The following AGMO variants were observed in gnomAD, a reference collection of about 807,000 sequenced individuals.
AGMO encodes the protein alkylglycerol monooxygenase, also known as glyceryl-ether monooxygenase.
In AGMO, 75 loss-of-function variants were observed where a neutral mutation model predicts 60.2. The ratio of observed to expected loss-of-function variants is 1.25; its 90% confidence interval spans 1.03 to 1.51. AGMO has a LOEUF of 1.51. Ranked by LOEUF, AGMO falls within the 40% of genes most tolerant of loss-of-function variation. AGMO has a pLI of 0.00. For synonymous variants in AGMO, 261 were observed against 177.1 expected (o/e 1.47, Z -3.76); for missense variants, 763 against 525.5 (o/e 1.45, Z -4.42).
At chr7:15,156,766 T>A in the AGMO span, among the ~76,000 whole-genome samples, 1 of 152,152 alleles carries the variant, frequency 6.6e-6, no homozygotes, top group Non-Finnish European at 1.5e-5. Context: ...GTGCCTTCTT[T>A]CCAAAGATCT....
chr7:15,153,740 C>A, the AGMO span, among the ~76,000 whole-genome samples: 3 of 152,042 alleles, frequency 2.0e-5, no homozygotes, highest in African/African-American at 7.2e-5. Flanking sequence ...GTGACTATGG[C>A]CTTAAAGTAT....
At chr7:15,531,394 T>C (rs865875764) in intron 3 of AGMO, among the ~76,000 whole-genome samples, 2 of 80,208 alleles carry the variant, frequency 2.5e-5, no homozygotes, top group South Asian at 7.7e-4. Flanking sequence ...ATATATATTC[T>C]ATATATATAT....
At chr7:15,276,917 A>G (rs1359267538) in intron 12 of AGMO, among the ~76,000 whole-genome samples, 5 of 140,970 alleles carry the variant, frequency 3.5e-5, no homozygotes, top group Admixed American at 7.0e-5. Context: ...AAGATATCTA[A>G]CTCTTCCTTC....
chr7:15,144,723 T>C, the AGMO span, among the ~76,000 whole-genome samples: 119 of 152,364 alleles, frequency 7.8e-4, no homozygotes, highest in Non-Finnish European at 1.3e-3. Context: ...TACATCACCA[T>C]TTAAATGTTA....
rs143870664 is a variant in AGMO, at chr7:15,465,262, TC to T, written c.410-34155del. ...CCACTCCCTCTCTTCTCAGCACTGC[TC>T]CCCAGAAACACACTTTCCTTGAATT... On this transcript the variant is annotated intron_variant, in intron 3 of 12. Transcript: ENST00000342526. Among the ~76,000 whole-genome samples, 1,304 of 151,774 alleles carry T rather than the reference TC, an allele frequency of 8.6e-3. 18 individuals are homozygous for T. Among genetic ancestry groups the T allele is most frequent in the African/African-American group, 0.03 (1,222 of 41,396 alleles).
Position 15,536,690 on chromosome 7 carries a change from T to C in AGMO, c.409+8082A>G, listed in dbSNP as rs376423770. The stretch of plus-strand genomic sequence containing the variant: ...AATATTTTTTGAAAAAATTAATACA[T>C]AAGTAAATGTATTAATTCATTTACT... On this transcript the variant is annotated intron_variant, in intron 3 of 12. Transcript: ENST00000342526. 2.6e-4 allele frequency among the ~76,000 whole-genome samples: 39 copies of C among 151,988 alleles called. No homozygotes were observed. In the East Asian group the frequency reaches 6.8e-3, roughly 26 times the overall value.
At chr7:15,174,711 G>A in the AGMO span, among the ~76,000 whole-genome samples, 1 of 151,584 alleles carries the variant, frequency 6.6e-6, no homozygotes, top group African/African-American at 2.4e-5. Flanking sequence ...TACAAAGTAA[G>A]CATACATGCC....
intron 5 of AGMO, among the ~76,000 whole-genome samples, chr7:15,416,672 T>C (rs1780782624): frequency 6.6e-6 from 1 of 152,174 alleles, no homozygotes; most frequent in South Asian, 2.1e-4. Flanking sequence ...TCGCATATCA[T>C]TTCTGTCAAT....
the AGMO span, among the ~76,000 whole-genome samples, chr7:15,149,648 C>A: frequency 6.6e-6 from 1 of 152,050 alleles, no homozygotes; most frequent in South Asian, 2.1e-4. Flanking sequence ...TTTCTGGGTT[C>A]TCTAACCTGT....
chr7:15,121,129 A>G, the AGMO span, among the ~76,000 whole-genome samples: 3 of 152,114 alleles, frequency 2.0e-5, no homozygotes, highest in African/African-American at 7.2e-5. Flanking sequence ...AGCTTCATCC[A>G]TGTCCCTGCA....
chr7:15,365,403 A>AAAAAAAAAAAAAAAAT, intron 12 of AGMO, 111 bp downstream of exon 12: 1 of 534,132 alleles, frequency 1.9e-6, no homozygotes, highest in Non-Finnish European at 3.2e-6. Flanking sequence ...AAAGATCAAG[A>AAAAAAAAAAAAAAAAT]TTTCCCACAT....
At chr7:15,362,243 TTAA>T (rs1782796574) in intron 12 of AGMO, among the ~76,000 whole-genome samples, 1 of 152,110 alleles carries the variant, frequency 6.6e-6, no homozygotes, top group African/African-American at 2.4e-5. Context: ...AAATTCATAA[TTAA>T]TAATATAAGA....
chr7:15,125,104 T>C, the AGMO span, among the ~76,000 whole-genome samples: 1 of 152,124 alleles, frequency 6.6e-6, no homozygotes. Context: ...CTGGGAGTAT[T>C]TTTCATCGCA....
At chr7:15,202,851 T>A in intron 12 of AGMO, among the ~76,000 whole-genome samples, 1 of 151,814 alleles carries the variant, frequency 6.6e-6, no homozygotes, top group East Asian at 1.9e-4. Flanking sequence ...CTGGGGGGAG[T>A]ATTTTTGAAA....
intron 3 of AGMO, among the ~76,000 whole-genome samples, chr7:15,496,140 C>A (rs1190007010): frequency 1.3e-5 from 2 of 152,034 alleles, no homozygotes; most frequent in Non-Finnish European, 2.9e-5. Context: ...ACAGCATCAC[C>A]CCTCTCATGG....
At chr7:15,159,535 AT>A in the AGMO span, among the ~76,000 whole-genome samples, 8 of 152,148 alleles carry the variant, frequency 5.3e-5, no homozygotes, top group African/African-American at 1.9e-4. Context: ...TTAAAAAATA[AT>A]TCTGTCATTG....
At chr7:15,119,184 T>C in the AGMO span, among the ~76,000 whole-genome samples, 3 of 151,954 alleles carry the variant, frequency 2.0e-5, no homozygotes, top group Admixed American at 2.0e-4. Flanking sequence ...TCCCCAATGC[T>C]GGTCGTGGGC....
chr7:15,559,461 T>G (rs1370210398), intron 2 of AGMO, among the ~76,000 whole-genome samples: 3 of 152,082 alleles, frequency 2.0e-5, no homozygotes, highest in Non-Finnish European at 4.4e-5. Flanking sequence ...TTAGACCTAA[T>G]GAATGAATCT....
intron 7 of AGMO, 35 bp downstream of exon 7, chr7:15,390,805 G>C (rs1473846529): frequency 1.9e-6 from 3 of 1,581,622 alleles, no homozygotes; most frequent in South Asian, 2.3e-5. Context: ...TAAAGGAGCT[G>C]ATTTAATTTT....
Sources: gnomAD v4.1 joint callset for allele counts (sites outside exome capture counted in the v4.1 genomes callset) on GRCh38, gnomAD v4.1.1 for gene constraint, MANE v1.5 for transcripts, NCBI Gene and HGNC (gene_info 2026-07-23, HGNC 2026-07-21) for gene names.